Variants in RRAD observed in about 807,000 individuals in gnomAD.
RRAD encodes RRAD, Ras related glycolysis inhibitor and calcium channel regulator.
In RRAD, 15 loss-of-function variants were observed where a neutral mutation model predicts 24.7. The observed-to-expected ratio is 0.61, with a 90% CI of 0.41 to 0.93. The LOEUF is 0.93. Ranked by LOEUF, RRAD falls within the 40% of genes least tolerant of loss-of-function variation. The pLI is 0.00. For missense variants in RRAD, 438 were observed against 452.2 expected, an observed-to-expected ratio of 0.97 and a Z score of 0.29; for synonymous variants, 180 against 189.8, an observed-to-expected ratio of 0.95 and a Z score of 0.43.
In RRAD at chr16:66,923,451, C is replaced by T. The variant is rs1962945372; in HGVS notation, c.649+65G>A. On this transcript the variant is annotated intron_variant, in intron 4 of 4. Transcript: ENST00000299759. This position sits in a 1 kb window ranked among gnomAD's most constrained non-coding sequence, Gnocchi z 4.9. ...ATGATCCCCAGGGACTCAAGCTGAGCCAAGACTGCCTGGATCAGGGCCCAG... is the reference window on the plus strand; with the variant it reads ...ATGATCCCCAGGGACTCAAGCTGAGTCAAGACTGCCTGGATCAGGGCCCAG... 1.5e-6 allele frequency: 2 copies of T among 1,371,624 alleles called. No homozygotes were observed. The highest frequency in any genetic ancestry group is 1.9e-5 in the Admixed American group (1 of 53,220). The allele number at this position is 1,371,624 out of a possible 1,614,324, so 85.0% of individuals were successfully genotyped here.
chr16:66,922,230 T>G lies in RRAD; in HGVS notation c.773A>C (p.Lys258Thr). Residue 258 changes from lysine (K) to threonine (T), a missense_variant, in exon 5 of 5, where the codon AAA becomes ACA. Coordinates refer to ENST00000299759, the MANE Select transcript of RRAD (RefSeq NM_004165.3). ...TGCTTGCCGTCGTGCGTTGGCTTCT[T>G]TGCTGTCCCTGCGCAGGCGTATCTG... The part of the protein sequence containing the change: ...VRQIRLRRDS[K>T]EANARRQAGT... 6.2e-7 allele frequency: 1 copy of G among 1,614,218 alleles called. No individual in the cohort carries two copies. Among genetic ancestry groups the G allele is most frequent in the Non-Finnish European group, 8.5e-7 (1 of 1,180,026 alleles).
In RRAD at chr16:66,925,379, GC is replaced by G; in HGVS notation, c.-16+29del. On this transcript the variant is annotated intron_variant, in intron 1 of 4. Coordinates refer to ENST00000299759, the MANE Select transcript of RRAD (RefSeq NM_004165.3). This position sits in a 1 kb window ranked among gnomAD's most constrained non-coding sequence, Gnocchi z 5.2. Reference sequence around the variant, plus strand: ...GGACCTGGCGCATCCATCTGCAGCCGCCCCGACCCCGCTCCGCCAGGACACT... The same window carrying G: ...GGACCTGGCGCATCCATCTGCAGCCGCCCGACCCCGCTCCGCCAGGACACT... 2.5e-6 allele frequency: 1 copy of G among 400,914 alleles called. No homozygotes were observed. 24.8% of individuals were successfully genotyped at this position (400,914 alleles called of 1,614,324 possible).
At position 66,922,337 on chromosome 16, in the gene RRAD, C is replaced by G; in HGVS notation, c.666G>C (p.Ala222=). ...EVSVDEGRAC[A]VVFDCKFIET... is the part of the protein sequence containing the mutation. ...CAATGAACTTGCAGTCAAAGACCAC[C>G]GCGCAGGCCCGGCCCTCTGTGTGGG... The change falls in exon 5 of 5, where the codon GCG becomes GCC. Residue 222 remains alanine, a synonymous_variant. Transcript: ENST00000299759. 2 of 1,595,056 alleles carry G rather than the reference C, an allele frequency of 1.3e-6. No homozygotes were observed. Among genetic ancestry groups the G allele is most frequent in the Non-Finnish European group, 1.7e-6 (2 of 1,168,374 alleles).
At position 66,924,139 on chromosome 16, in the gene RRAD, C is replaced by T. The variant is rs996748323; in HGVS notation, c.371-220G>A. ...CCACCCACATGCCCCCCCTGGGGAC[C>T]TTGGCCACCTAGGGCTCCTCTCTTA... On this transcript the variant is annotated intron_variant, in intron 2 of 4. Transcript: ENST00000299759. The surrounding 1 kb of genome is among the most constrained non-coding windows in gnomAD (Gnocchi z 4.2). 1.3e-5 allele frequency among the ~76,000 whole-genome samples: 2 copies of T among 152,152 alleles called. No homozygotes were observed. Among genetic ancestry groups the T allele is most frequent in the African/African-American group, 4.8e-5 (2 of 41,430 alleles).
In RRAD at chr16:66,921,897, G is replaced by T; in HGVS notation, c.*179C>A. On this transcript the variant is annotated 3_prime_UTR_variant, in exon 5 of 5. Coordinates refer to ENST00000299759, the MANE Select transcript of RRAD (RefSeq NM_004165.3). ...GTGGGCCCAGCCCTCACTGGCCCCT[G>T]AGAGCCACTTCGCAGGGCAGCACTG... The T allele has an allele frequency of 1.7e-6, 1 of 598,166 alleles. No individual in the cohort carries two copies. The highest frequency in any genetic ancestry group is 2.3e-5 in the South Asian group (1 of 43,642). The allele number at this position is 598,166 out of a possible 1,614,324, so 37.1% of individuals were successfully genotyped here.
At position 66,924,667 on chromosome 16, in the gene RRAD, A is replaced by AAATAATAATAAAAT; in HGVS notation, c.370+129_370+142dup. 1.5e-6 allele frequency: 1 copy of AAATAATAATAAAAT among 669,672 alleles called. No individual in the cohort carries two copies. Among genetic ancestry groups the AAATAATAATAAAAT allele is most frequent in the Admixed American group, 5.2e-5 (1 of 19,344 alleles). 41.5% of individuals were successfully genotyped at this position (669,672 alleles called of 1,614,324 possible). On this transcript the variant is annotated intron_variant, in intron 2 of 4. Transcript: ENST00000299759. The surrounding 1 kb of genome is among the most constrained non-coding windows in gnomAD (Gnocchi z 4.2). ...GGAAAAAGAGCGAAACTCTGTCTCA[A>AAATAATAATAAAAT]AATAATAATAAAATAATAATAATAA...
chr16:66,921,909 G>GCT lies in RRAD; in HGVS notation c.*166_*167insAG. On this transcript the variant is annotated 3_prime_UTR_variant, in exon 5 of 5. Transcript: ENST00000299759. ...CTCACTGGCCCCTGAGAGCCACTTC[G>GCT]CAGGGCAGCACTGTCTATCTGTCCA... is the stretch of plus-strand genomic sequence containing the variant. The GCT allele has an allele frequency of 1.6e-6, 1 of 610,106 alleles. No homozygotes were observed. The highest frequency in any genetic ancestry group is 2.8e-6 in the Non-Finnish European group (1 of 354,020). The allele number at this position is 610,106 out of a possible 1,614,324, so 37.8% of individuals were successfully genotyped here.
rs769665250 is a variant in RRAD, at chr16:66,923,741, A to G, written c.445-21T>C. The G allele has an allele frequency of 1.2e-6, 2 of 1,613,440 alleles. No homozygotes were observed. The highest frequency in any genetic ancestry group is 1.1e-5 in the South Asian group (1 of 91,058). ...CCGTCCTGGAGAACACACAACACAC[A>G]TCTGCCCAACAGTCCTCATGCCCCC... On this transcript the variant is annotated intron_variant, in intron 3 of 4. Transcript: ENST00000299759. The surrounding 1 kb of genome is among the most constrained non-coding windows in gnomAD (Gnocchi z 4.9).
chr16:66,924,983 T>G lies in RRAD; in HGVS notation c.197A>C (p.Gln66Pro), dbSNP rs7198458. Residue 66 changes from glutamine (Q) to proline (P), a missense_variant, in exon 2 of 5, where the codon CAG becomes CCG. Physicochemically the swap from Gln to Pro is moderately conservative, Grantham distance 76. Transcript: ENST00000299759. The surrounding 1 kb of genome is among the most constrained non-coding windows in gnomAD (Gnocchi z 4.2). ...CTCGGGCCAGTCCAGCCTGGGACCC[T>G]GGGTCCCCGTCCCGGCCGCGGCCGC... The part of the protein sequence containing the change: ...LTAAAAGTGT[Q>P]GPRLDWPEDS... The G allele has an allele frequency of 8.1e-3, 11,819 of 1,456,818 alleles. 738 individuals carry two copies. The African/African-American group carries it at 0.14, about 18-fold the overall frequency. 90.2% of individuals were successfully genotyped at this position (1,456,818 alleles called of 1,614,324 possible).
chr16:66,921,954 G>C lies in RRAD; in HGVS notation c.*122C>G. 1.2e-6 allele frequency: 1 copy of C among 813,480 alleles called. No individual in the cohort carries two copies. Among genetic ancestry groups the C allele is most frequent in the Non-Finnish European group, 1.9e-6 (1 of 520,366 alleles). The allele number at this position is 813,480 out of a possible 1,614,324, so 50.4% of individuals were successfully genotyped here. ...TGTCCATGACCATGAGGTTGGGGGTGCCCGGCTGGCAGCTCCGAGGGACCC... is the reference window on the plus strand; with the variant it reads ...TGTCCATGACCATGAGGTTGGGGGTCCCCGGCTGGCAGCTCCGAGGGACCC... On this transcript the variant is annotated 3_prime_UTR_variant, in exon 5 of 5. Transcript: ENST00000299759.
rs1449660872 is a variant in RRAD at position 66,921,851 on chromosome 16, T to TGAGC, written c.*221_*224dup. Reference sequence around the variant, plus strand: ...GCGCTGCGGCTGCTTGGGACGCATATGAGCCTGCGCATGCATCTCTGTGGG... The same window carrying TGAGC: ...GCGCTGCGGCTGCTTGGGACGCATATGAGCGAGCCTGCGCATGCATCTCTGTGGG... On this transcript the variant is annotated 3_prime_UTR_variant, in exon 5 of 5. Coordinates refer to ENST00000299759, the MANE Select transcript of RRAD (RefSeq NM_004165.3). 3.8e-6 allele frequency: 2 copies of TGAGC among 523,564 alleles called. No individual in the cohort carries two copies. The highest frequency in any genetic ancestry group is 6.1e-5 in the East Asian group (2 of 32,870). 32.4% of individuals were successfully genotyped at this position (523,564 alleles called of 1,614,324 possible).
intron 4 of RRAD, among the ~76,000 whole-genome samples, chr16:66,922,959 G>A (rs1962937338): frequency 6.6e-6 from 1 of 152,230 alleles, no homozygotes. Flanking sequence ...GGGATTACAG[G>A]CGTTAGCCAC....
At position 66,924,689 on chromosome 16, in the gene RRAD, A is replaced by C. The variant is rs1962966847; in HGVS notation, c.370+121T>G. 1 of 711,320 alleles carries C rather than the reference A, an allele frequency of 1.4e-6. No individual in the cohort carries two copies. The highest frequency in any genetic ancestry group is 1.9e-6 in the Non-Finnish European group (1 of 519,394). The allele number at this position is 711,320 out of a possible 1,614,324, so 44.1% of individuals were successfully genotyped here. ...TCAAAATAATAATAAAATAATAATA[A>C]TAATAATAATAACAACAACAACAAC... On this transcript the variant is annotated intron_variant, in intron 2 of 4. Transcript: ENST00000299759. This position sits in a 1 kb window ranked among gnomAD's most constrained non-coding sequence, Gnocchi z 4.2.
At position 66,924,800 on chromosome 16, in the gene RRAD, G is replaced by C; in HGVS notation, c.370+10C>G. The C allele has an allele frequency of 6.5e-7, 1 of 1,526,928 alleles. No individual in the cohort carries two copies. The highest frequency in any genetic ancestry group is 8.8e-7 in the Non-Finnish European group (1 of 1,133,796). 94.6% of individuals were successfully genotyped at this position (1,526,928 alleles called of 1,614,324 possible). On this transcript the variant is annotated intron_variant, in intron 2 of 4. Transcript: ENST00000299759. This position sits in a 1 kb window ranked among gnomAD's most constrained non-coding sequence, Gnocchi z 4.2. ...GATCGCCCCTCCCCTGAACAGCTGG[G>C]TCCCCTCACCTGCTGCCTCTGCTTC... is the stretch of plus-strand genomic sequence containing the variant.
chr16:66,925,109 C>A lies in RRAD; in HGVS notation c.71G>T (p.Arg24Leu). Residue 24 changes from arginine (R) to leucine (L), a missense_variant, in exon 2 of 5, where the codon CGG becomes CTG. Transcript: ENST00000299759. The surrounding 1 kb of genome is among the most constrained non-coding windows in gnomAD (Gnocchi z 5.2). ...RGGGQERERR[R>L]GSTPWGPAPP... ...GGCGGGGCCCCAGGGTGTGCTGCCC[C>A]GACGGCGCTCGCGCTCCTGGCCCCC... 1 of 1,228,474 alleles carries A rather than the reference C, an allele frequency of 8.1e-7. No homozygotes were observed. Among genetic ancestry groups the A allele is most frequent in the Non-Finnish European group, 1.0e-6 (1 of 986,452 alleles). 76.1% of individuals were successfully genotyped at this position (1,228,474 alleles called of 1,614,324 possible).
At position 66,923,500 on chromosome 16, in the gene RRAD, C is replaced by A. The variant is rs760757097; in HGVS notation, c.649+16G>T. On this transcript the variant is annotated intron_variant, in intron 4 of 4. Transcript: ENST00000299759. This position sits in a 1 kb window ranked among gnomAD's most constrained non-coding sequence, Gnocchi z 4.9. ...AGCTGGGCTCTCCCTCCCCCTGCAA[C>A]CTGCCGCCTACTCACCATCCACCGA... 10 of 1,593,272 alleles carry A rather than the reference C, an allele frequency of 6.3e-6. No individual in the cohort carries two copies. Among genetic ancestry groups the A allele is most frequent in the Non-Finnish European group, 8.5e-6 (10 of 1,172,862 alleles).
In RRAD at chr16:66,923,928, A is replaced by G. The variant is rs1962954495; in HGVS notation, c.371-9T>C. 1 of 1,613,112 alleles carries G rather than the reference A, an allele frequency of 6.2e-7. No individual in the cohort carries two copies. Among genetic ancestry groups the G allele is most frequent in the Non-Finnish European group, 8.5e-7 (1 of 1,179,154 alleles). Reference sequence around the variant, plus strand: ...GCGATCATAGGTGTGCCCTAGGCAGAAGGCCAGTAGACAGGTTACCAGCTG... The same window carrying G: ...GCGATCATAGGTGTGCCCTAGGCAGGAGGCCAGTAGACAGGTTACCAGCTG... On this transcript the variant is annotated splice_polypyrimidine_tract_variant and intron_variant, in intron 2 of 4. Coordinates refer to ENST00000299759, the MANE Select transcript of RRAD (RefSeq NM_004165.3). The surrounding 1 kb of genome is among the most constrained non-coding windows in gnomAD (Gnocchi z 4.9).
rs1411956730 is a variant in RRAD, at chr16:66,923,547, G to A, written c.618C>T (p.Asp206=). The A allele has an allele frequency of 2.5e-6, 4 of 1,610,704 alleles. No individual in the cohort carries two copies. Among genetic ancestry groups the A allele is most frequent in the Non-Finnish European group, 2.5e-6 (3 of 1,179,888 alleles). ...VPIILVGNKS[D]LVRSREVSVD... ...CCGAGACCTCACGAGAGCGCACCAG[G>A]TCGCTCTTGTTGCCCACGAGGATGA... The change falls in exon 4 of 5, where the codon GAC becomes GAT. Residue 206 remains aspartate, a synonymous_variant. Transcript: ENST00000299759. This position sits in a 1 kb window ranked among gnomAD's most constrained non-coding sequence, Gnocchi z 4.9.
At position 66,923,482 on chromosome 16, in the gene RRAD, C is replaced by A; in HGVS notation, c.649+34G>T. ...CTGCCTGGATCAGGGCCCAGCTGGG[C>A]TCTCCCTCCCCCTGCAACCTGCCGC... On this transcript the variant is annotated intron_variant, in intron 4 of 4. Coordinates refer to ENST00000299759, the MANE Select transcript of RRAD (RefSeq NM_004165.3). The surrounding 1 kb of genome is among the most constrained non-coding windows in gnomAD (Gnocchi z 4.9). 1 of 1,561,056 alleles carries A rather than the reference C, an allele frequency of 6.4e-7. No individual in the cohort carries two copies. Among genetic ancestry groups the A allele is most frequent in the Non-Finnish European group, 8.7e-7 (1 of 1,148,518 alleles).
Sources: allele counts gnomAD v4.1 joint callset (sites outside exome capture counted in the v4.1 genomes callset), GRCh38; gene constraint gnomAD v4.1.1; non-coding constraint Gnocchi (gnomAD v3.1); transcripts MANE v1.5; gene names NCBI Gene and HGNC (gene_info 2026-07-23, HGNC 2026-07-21).